Variants in SEPTIN2 observed in about 807,000 individuals in gnomAD.
SEPTIN2 encodes the protein septin 2.
In SEPTIN2, 34 loss-of-function variants were observed where a neutral mutation model predicts 46.5. That is an observed-to-expected ratio of 0.73 (90% CI 0.56 to 0.97). SEPTIN2 has a LOEUF of 0.97. Among genes scored for constraint, SEPTIN2 ranks in the 50% least tolerant of loss-of-function variants. The pLI is 0.00. For synonymous variants in SEPTIN2, 175 were observed against 153.4 expected, an observed-to-expected ratio of 1.14 and a Z score of -1.04; for missense variants, 347 against 448.4, an observed-to-expected ratio of 0.77 and a Z score of 2.04.
rs2060936162 is a variant in SEPTIN2, at chr2:241,353,695, GACATTTAAT to G, written c.*1760_*1768del. On this transcript the variant is annotated 3_prime_UTR_variant, in exon 13 of 13. Coordinates refer to ENST00000391971, the MANE Select transcript of SEPTIN2 (RefSeq NM_004404.5). ...CATGCGGAGTCCATTATTTGAGTTT[GACATTTAAT>G]AACTTTGCTGGAAAATCTGTAAAAA... 6.5e-6 allele frequency: 1 copy of G among 152,870 alleles called. No individual in the cohort carries two copies. The highest frequency in any genetic ancestry group is 2.4e-5 in the African/African-American group (1 of 41,442). 9.5% of individuals were successfully genotyped at this position (152,870 alleles called of 1,614,324 possible).
intron 10 of SEPTIN2, 104 bp downstream of exon 10, chr2:241,346,353 G>T: frequency 1.3e-6 from 1 of 759,890 alleles, no homozygotes; most frequent in Non-Finnish European, 2.1e-6. Context: ...AAGCAACATG[G>T]TTTGGTTTCC....
chr2:241,345,306 A>C (rs986048231), intron 9 of SEPTIN2, among the ~76,000 whole-genome samples: 1 of 152,222 alleles, frequency 6.6e-6, no homozygotes, highest in Admixed American at 6.5e-5. Flanking sequence ...GTTACCATCC[A>C]AGCTGTGTCA....
chr2:241,334,725 C>A (rs528065457), intron 3 of SEPTIN2, among the ~76,000 whole-genome samples: 90 of 152,310 alleles, frequency 5.9e-4, no homozygotes, highest in African/African-American at 2.1e-3. Context: ...TAGATATGTT[C>A]AGTTTTCTGA....
chr2:241,315,887 G>C (rs1437616038), upstream of SEPTIN2: 1 of 152,140 alleles, frequency 6.6e-6, no homozygotes, highest in Non-Finnish European at 1.5e-5. Flanking sequence ...GCGCTGGGCG[G>C]GGCGGGGCGG....
chr2:241,316,670 G>C, intron 1 of SEPTIN2: 1 of 669,790 alleles, frequency 1.5e-6, no homozygotes, highest in Non-Finnish European at 2.3e-6. Flanking sequence ...CTGTGACCTG[G>C]CCTACTGGCC....
rs2060953392 is a variant in SEPTIN2 at position 241,353,953 on chromosome 2, CT to C, written c.*2018del. On this transcript the variant is annotated 3_prime_UTR_variant, in exon 13 of 13. Coordinates refer to ENST00000391971, the MANE Select transcript of SEPTIN2 (RefSeq NM_004404.5). ...CCTATAGAAATGTATTTTGAAAACA[CT>C]TATTTTACACAGCAATTTTGTATCC... The C allele has an allele frequency of 6.6e-6, 1 of 152,412 alleles. No individual in the cohort carries two copies. Among genetic ancestry groups the C allele is most frequent in the African/African-American group, 2.4e-5 (1 of 41,454 alleles). The allele number at this position is 152,412 out of a possible 1,614,324, so 9.4% of individuals were successfully genotyped here.
At chr2:241,337,216 C>G in intron 5 of SEPTIN2, 166 bp from the exon 6 acceptor site, 1 of 629,820 alleles carries the variant, frequency 1.6e-6, no homozygotes, top group Non-Finnish European at 2.6e-6. Flanking sequence ...GGCATAGTTT[C>G]CAAAAACTTC....
intron 3 of SEPTIN2, among the ~76,000 whole-genome samples, chr2:241,331,282 AC>A (rs1227596718): frequency 6.6e-6 from 1 of 152,250 alleles, no homozygotes; most frequent in Non-Finnish European, 1.5e-5. Flanking sequence ...ATTTAACAAA[AC>A]GTGCAAGACC....
At chr2:241,322,051 G>A (rs1330842755) in intron 1 of SEPTIN2, among the ~76,000 whole-genome samples, 27 of 152,118 alleles carry the variant, frequency 1.8e-4, no homozygotes, top group Admixed American at 1.7e-3. Flanking sequence ...ATAACACTGG[G>A]GATGCAGGGA....
At chr2:241,333,792 C>T (rs1436003619) in intron 3 of SEPTIN2, among the ~76,000 whole-genome samples, 5 of 152,214 alleles carry the variant, frequency 3.3e-5, no homozygotes, top group African/African-American at 4.8e-5. Context: ...CGTGGGCCAC[C>T]GCGCCCGGCT....
At chr2:241,328,744 A>G (rs2078441736) in intron 3 of SEPTIN2, among the ~76,000 whole-genome samples, 1 of 127,466 alleles carries the variant, frequency 7.8e-6, no homozygotes, top group Admixed American at 7.9e-5. Flanking sequence ...CTCCATCTCA[A>G]AACACGGTGG....
At chr2:241,316,347 C>T in intron 1 of SEPTIN2, 3 of 519,748 alleles carry the variant, frequency 5.8e-6, no homozygotes, top group Non-Finnish European at 9.4e-6. Flanking sequence ...AGGGAGGATA[C>T]AGGTTTAGGC....
intron 3 of SEPTIN2, 29 bp from the exon 4 acceptor site, chr2:241,335,097 C>T: frequency 6.7e-7 from 1 of 1,499,386 alleles, no homozygotes. Context: ...TGAATAAGGT[C>T]ATGACAAGGT....
In SEPTIN2 at chr2:241,335,181, G is replaced by C; in HGVS notation, c.186G>C (p.Leu62=). 6.2e-7 allele frequency: 1 copy of C among 1,613,794 alleles called. No homozygotes were observed. Among genetic ancestry groups the C allele is most frequent in the Non-Finnish European group, 8.5e-7 (1 of 1,179,798 alleles). The change falls in exon 4 of 13, where the codon CTG becomes CTC. Residue 62 remains leucine (L), a synonymous_variant. Transcript: ENST00000391971. ...TAAACAGCCTATTCCTAACTGATCTGTACCCAGAAAGAGTCATACCTGGAG... is the reference window on the plus strand; with the variant it reads ...TAAACAGCCTATTCCTAACTGATCTCTACCCAGAAAGAGTCATACCTGGAG... ...TLINSLFLTD[L]YPERVIPGAA... is the part of the protein sequence containing the mutation.
intron 3 of SEPTIN2, among the ~76,000 whole-genome samples, chr2:241,332,799 A>T (rs944666530): frequency 2.6e-5 from 4 of 152,356 alleles, no homozygotes; most frequent in African/African-American, 9.6e-5. Flanking sequence ...CAAAGAAACG[A>T]ACTACTCGTA....
At chr2:241,327,967 C>A (rs2078276607) in intron 3 of SEPTIN2, among the ~76,000 whole-genome samples, 1 of 151,970 alleles carries the variant, frequency 6.6e-6, no homozygotes, top group Non-Finnish European at 1.5e-5. Flanking sequence ...GCAGGAGGAT[C>A]ACCTCAGCCT....
Position 241,331,844 on chromosome 2 carries a change from G to A in SEPTIN2, c.131-3282G>A, listed in dbSNP as rs1575231100. Among the ~76,000 whole-genome samples, 4 of 152,330 alleles carry A rather than the reference G, an allele frequency of 2.6e-5. No homozygotes were observed. In the East Asian group the frequency reaches 7.7e-4, roughly 29 times the overall value. ...AGACTTAACAGCAGTAATCAAGACA[G>A]TGTGGTAAGGGTAGATACACAGATC... On this transcript the variant is annotated intron_variant, in intron 3 of 12. Coordinates refer to ENST00000391971, the MANE Select transcript of SEPTIN2 (RefSeq NM_004404.5).
intron 9 of SEPTIN2, among the ~76,000 whole-genome samples, chr2:241,344,406 A>G (rs2081699336): frequency 6.6e-6 from 1 of 152,206 alleles, no homozygotes; most frequent in Non-Finnish European, 1.5e-5. Flanking sequence ...TTCTTTAAAA[A>G]TGAATTTCAT....
In SEPTIN2 at chr2:241,346,259, C is replaced by G. The variant is rs375721744; in HGVS notation, c.926+10C>G. ...TCAAGAGAGGCGGCAGGTCATCACA[C>G]TGTGCCCCTTTCTCTGTATTGTGTC... On this transcript the variant is annotated intron_variant, in intron 10 of 12. Transcript: ENST00000391971. The G allele has an allele frequency of 5.0e-6, 8 of 1,610,828 alleles. No homozygotes were observed. Among genetic ancestry groups the G allele is most frequent in the Non-Finnish European group, 5.1e-6 (6 of 1,177,270 alleles).
Sources: gnomAD v4.1 joint callset for allele counts (sites outside exome capture counted in the v4.1 genomes callset) on GRCh38, gnomAD v4.1.1 for gene constraint, MANE v1.5 for transcripts, NCBI Gene and HGNC (gene_info 2026-07-23, HGNC 2026-07-21) for gene names.